The following ASIC2 variants were observed in gnomAD, a reference collection of about 807,000 sequenced individuals.
ASIC2 encodes the protein acid-sensing ion channel 2.
In ASIC2, 25 loss-of-function variants were observed where a neutral mutation model predicts 57.3. The ratio of observed to expected loss-of-function variants is 0.44; its 90% CI spans 0.32 to 0.61. ASIC2 has a LOEUF of 0.61. Ranked by LOEUF, ASIC2 falls within the 20% of genes least tolerant of loss-of-function variation. The pLI, the probability that ASIC2 is intolerant of heterozygous loss-of-function variation, is 0.06. For missense variants in ASIC2, 641 were observed against 738.1 expected, an observed-to-expected ratio of 0.87 and a Z score of 1.52; for synonymous variants, 319 against 307.5, an observed-to-expected ratio of 1.04 and a Z score of -0.39.
chr17:33,332,995 G>A (rs529953444), intron 1 of ASIC2, among the ~76,000 whole-genome samples: 1 of 152,286 alleles, frequency 6.6e-6, no homozygotes, highest in East Asian at 1.9e-4. Flanking sequence ...GGCCTTCCAG[G>A]TGCCAATCTA....
intron 1 of ASIC2, among the ~76,000 whole-genome samples, chr17:33,379,306 C>T (rs1227164060): frequency 5.3e-5 from 8 of 152,214 alleles, no homozygotes; most frequent in Non-Finnish European, 8.8e-5. Flanking sequence ...TAATATCTTA[C>T]ACTCTGGCAG....
intron 1 of ASIC2, among the ~76,000 whole-genome samples, chr17:33,631,952 G>A (rs1906186965): frequency 6.6e-6 from 1 of 152,168 alleles, no homozygotes; most frequent in Non-Finnish European, 1.5e-5. Context: ...GAATGGGGAA[G>A]GGCCCAAAAG....
rs544464728 is a variant in ASIC2 at position 33,062,431 on chromosome 17, T to C, written c.987+26432A>G. ...CATTTCGTTATGTACACAGTAGTCA[T>C]TCAGGAGCAGCTTGTTCAGTTTCCA... On this transcript the variant is annotated intron_variant, in intron 3 of 9. Coordinates refer to ENST00000225823, the MANE Select transcript of ASIC2 (RefSeq NM_183377.2). Among the ~76,000 whole-genome samples the C allele has an allele frequency of 3.9e-5, 6 of 152,352 alleles. No individual in the cohort carries two copies. The South Asian group carries it at 1.2e-3, about 32-fold the overall frequency.
Position 33,137,042 on chromosome 17 carries a change from T to C in ASIC2, c.709-24975A>G, listed in dbSNP as rs78216370. Among the ~76,000 whole-genome samples, 259 of 152,278 alleles carry C rather than the reference T, an allele frequency of 1.7e-3. 4 individuals are homozygous for C. The highest frequency in any genetic ancestry group is 0.016 in the South Asian group (79 of 4,830). ...TGACAGTCCTGTTCTAAAGCACCCA[T>C]ACAGAAGTGGAACGTAGCTAACATT... is the stretch of plus-strand genomic sequence containing the variant. On this transcript the variant is annotated intron_variant, in intron 1 of 9. Transcript: ENST00000225823.
intron 1 of ASIC2, chr17:34,155,837 A>G (rs1904698832): frequency 1.1e-6 from 1 of 931,754 alleles, no homozygotes; most frequent in African/African-American, 1.7e-5. Context: ...AACTCTGACC[A>G]ACTACCCTCG....
chr17:34,011,727 A>G (rs191030733), intron 1 of ASIC2, among the ~76,000 whole-genome samples: 89 of 151,988 alleles, frequency 5.9e-4, no homozygotes, highest in Non-Finnish European at 6.8e-4. Flanking sequence ...AATCAAATGC[A>G]CTCCTTTTAG....
chr17:33,732,623 G>A lies in ASIC2; in HGVS notation c.555+423355C>T, dbSNP rs189804627. On this transcript the variant is annotated intron_variant, in intron 1 of 9. Coordinates refer to the ASIC2 transcript ENST00000359872. ...TGCCATTCTCCTGCCTCAGCCTCCT[G>A]AATTTTTTTTATTTTTTATTTTTTA... Among the ~76,000 whole-genome samples the A allele has an allele frequency of 9.3e-5, 14 of 151,258 alleles. No homozygotes were observed. In the East Asian group the frequency reaches 2.7e-3, roughly 29 times the overall value.
chr17:33,299,678 CAAGCAATTCCCAGGTATAAGAGGTCA>C (rs1484705227), intron 1 of ASIC2, among the ~76,000 whole-genome samples: 3 of 152,072 alleles, frequency 2.0e-5, no homozygotes, highest in Non-Finnish European at 4.4e-5. Context: ...TCTTCTATCA[CAAGCAATTCCCAGGTATAAGAGGTCA>C]AAGAAGGGGC....
chr17:33,038,127 C>A (rs888640262), intron 3 of ASIC2, among the ~76,000 whole-genome samples: 1 of 152,188 alleles, frequency 6.6e-6, no homozygotes, highest in African/African-American at 2.4e-5. Context: ...CAGCCCCATC[C>A]CTCAGCCCCA....
At chr17:33,970,182 T>C (rs1193222135) in intron 1 of ASIC2, among the ~76,000 whole-genome samples, 1 of 152,206 alleles carries the variant, frequency 6.6e-6, no homozygotes, top group Non-Finnish European at 1.5e-5. Flanking sequence ...ACCCACTAGA[T>C]GCCAGTAGCA....
intron 1 of ASIC2, among the ~76,000 whole-genome samples, chr17:33,700,793 T>C (rs938453262): frequency 1.3e-5 from 2 of 152,158 alleles, no homozygotes; most frequent in Non-Finnish European, 2.9e-5. Flanking sequence ...GAGGAGCATA[T>C]GACCAGAACC....
At position 33,088,896 on chromosome 17, in the gene ASIC2, C is replaced by A; in HGVS notation, c.954G>T (p.Gly318=). The change falls in exon 3 of 10, where the codon GGG becomes GGT. Residue 318 remains glycine (G), a synonymous_variant. Coordinates refer to ENST00000225823, the MANE Select transcript of ASIC2 (RefSeq NM_183377.2). ...CCTGTGTGGCCACAAAGGTCTGGAACCCTGGAGCCACCCCAAAGCCCAGCT... is the reference window on the plus strand; with the variant it reads ...CCTGTGTGGCCACAAAGGTCTGGAAACCTGGAGCCACCCCAAAGCCCAGCT... ...IQELGFGVAP[G]FQTFVATQEQ... 1 of 1,613,942 alleles carries A rather than the reference C, an allele frequency of 6.2e-7. No homozygotes were observed. The highest frequency in any genetic ancestry group is 8.5e-7 in the Non-Finnish European group (1 of 1,179,942).
At chr17:33,313,469 T>C (rs985253092) in intron 1 of ASIC2, among the ~76,000 whole-genome samples, 28 of 152,216 alleles carry the variant, frequency 1.8e-4, no homozygotes, top group Admixed American at 3.9e-4. Context: ...AATTGGTTGT[T>C]CCATCATCTG....
rs2092217769 is a variant in ASIC2 at position 33,102,909 on chromosome 17, G to A, written c.859+9008C>T. 2.0e-5 allele frequency among the ~76,000 whole-genome samples: 3 copies of A among 151,808 alleles called. 1 individual carries two copies. The highest frequency in any genetic ancestry group is 6.6e-5 in the Admixed American group (1 of 15,238). On this transcript the variant is annotated intron_variant, in intron 2 of 9. Coordinates refer to ENST00000225823, the MANE Select transcript of ASIC2 (RefSeq NM_183377.2). ...CGCCATTCTCCTGCCTCAGCCTCCC[G>A]AGTAGCTGGGGCTACAGGCGCCCAC... is the stretch of plus-strand genomic sequence containing the variant.
At chr17:33,025,355 G>T (rs928323261) in intron 5 of ASIC2, among the ~76,000 whole-genome samples, 1 of 152,124 alleles carries the variant, frequency 6.6e-6, no homozygotes, top group African/African-American at 2.4e-5. Flanking sequence ...CAGACCCCCC[G>T]CAGGCCCCTC....
intron 1 of ASIC2, among the ~76,000 whole-genome samples, chr17:33,630,174 G>T (rs1166511976): frequency 6.6e-6 from 1 of 152,144 alleles, no homozygotes; most frequent in African/African-American, 2.4e-5. Context: ...CCAATCATCT[G>T]TAAGAACTTT....
intron 2 of ASIC2, among the ~76,000 whole-genome samples, chr17:33,090,664 TA>T (rs1304454383): frequency 1.3e-5 from 2 of 151,864 alleles, no homozygotes; most frequent in Admixed American, 1.3e-4. Flanking sequence ...GGGGACAAAC[TA>T]AAGCTGGCAC....
At chr17:33,567,699 C>A (rs1916283756) in intron 1 of ASIC2, among the ~76,000 whole-genome samples, 1 of 152,008 alleles carries the variant, frequency 6.6e-6, no homozygotes, top group Non-Finnish European at 1.5e-5. Flanking sequence ...AAGGCCTGAG[C>A]AATTGGGTAC....
chr17:33,773,432 C>A (rs1911175887), intron 1 of ASIC2, among the ~76,000 whole-genome samples: 1 of 152,110 alleles, frequency 6.6e-6, no homozygotes, highest in Non-Finnish European at 1.5e-5. Context: ...GGCCAAGTTG[C>A]AGATCCATAT....
Sources: allele counts gnomAD v4.1 joint callset (sites outside exome capture counted in the v4.1 genomes callset), GRCh38; gene constraint gnomAD v4.1.1; transcripts MANE v1.5; gene names NCBI Gene and HGNC (gene_info 2026-07-23, HGNC 2026-07-21).